The following GRIK2 variants were observed in gnomAD, a reference collection of about 807,000 sequenced individuals.
GRIK2 encodes the protein glutamate receptor ionotropic, kainate 2.
Under a neutral mutation model 100.3 loss-of-function variants are expected in GRIK2, and 32 were observed. The ratio of observed to expected loss-of-function variants is 0.32; its 90% confidence interval spans 0.24 to 0.43. The LOEUF is 0.43. GRIK2 is among the 20% of genes least tolerant of loss of function. The pLI is 1.00. For missense variants in GRIK2, 843 were observed against 1,114.9 expected, an observed-to-expected ratio of 0.76 and a Z score of 3.47; for synonymous variants, 417 against 389.4, an observed-to-expected ratio of 1.07 and a Z score of -0.83.
Position 101,799,750 on chromosome 6 carries a change from C to A in GRIK2, c.1054C>A (p.Pro352Thr). 6.2e-7 allele frequency: 1 copy of A among 1,613,530 alleles called. No homozygotes were observed. Among genetic ancestry groups the A allele is most frequent in the Non-Finnish European group, 8.5e-7 (1 of 1,179,554 alleles). The change falls in exon 8 of 17, where the codon CCC becomes ACC. Residue 352 changes from proline to threonine, a missense_variant. By Grantham distance (38) the Pro-to-Thr change is conservative. Around this residue, in one of 3 missense-constraint regions of GRIK2, gnomAD observed 519 missense variants for 643.8 expected, o/e 0.81. Transcript: ENST00000369134. ...TTCCTTGCAGTGTAATCGACATAAA[C>A]CCTGGCGCTTCGGGACCCGCTTTAT... is the stretch of plus-strand genomic sequence containing the variant. ...VSSLQCNRHK[P>T]WRFGTRFMSL... is the part of the protein sequence containing the mutation.
chr6:101,468,844 C>T (rs1010070518), intron 2 of GRIK2, among the ~76,000 whole-genome samples: 2 of 152,116 alleles, frequency 1.3e-5, no homozygotes, highest in East Asian at 1.9e-4. Context: ...GATAATAACA[C>T]CATGTCTTCC....
chr6:102,059,614 A>G (rs1015429799), intron 16 of GRIK2, among the ~76,000 whole-genome samples: 4 of 151,062 alleles, frequency 2.6e-5, no homozygotes, highest in Non-Finnish European at 5.9e-5. Context: ...GATAATATTT[A>G]TAATATGTTG....
chr6:101,975,184 G>T (rs1308686501), intron 14 of GRIK2, among the ~76,000 whole-genome samples: 1 of 151,838 alleles, frequency 6.6e-6, no homozygotes, highest in East Asian at 2.0e-4. Context: ...TGTTAACTTT[G>T]AAATACCTAT....
chr6:101,779,717 C>A (rs772305842), intron 7 of GRIK2, among the ~76,000 whole-genome samples: 1 of 152,120 alleles, frequency 6.6e-6, no homozygotes, highest in Non-Finnish European at 1.5e-5. Context: ...CTTTCTGCTG[C>A]ACTATACCCT....
At chr6:101,743,148 C>T (rs761235994) in intron 7 of GRIK2, among the ~76,000 whole-genome samples, 8 of 152,170 alleles carry the variant, frequency 5.3e-5, no homozygotes, top group Non-Finnish European at 1.0e-4. Context: ...TGGACATTTA[C>T]ACCAGCCCAA....
intron 15 of GRIK2, among the ~76,000 whole-genome samples, chr6:102,054,408 A>C (rs1037319160): frequency 2.0e-5 from 3 of 152,152 alleles, no homozygotes; most frequent in African/African-American, 7.2e-5. Context: ...TGTGCAGTAT[A>C]GTGTCTTAGG....
chr6:101,735,154 G>A (rs1242983809), intron 7 of GRIK2, among the ~76,000 whole-genome samples: 3 of 152,200 alleles, frequency 2.0e-5, no homozygotes, highest in Non-Finnish European at 4.4e-5. Context: ...CTGAGGTCCA[G>A]AGGTGTAGTC....
intron 2 of GRIK2, among the ~76,000 whole-genome samples, chr6:101,510,463 C>T (rs1774241031): frequency 1.4e-5 from 2 of 146,924 alleles, no homozygotes; most frequent in African/African-American, 5.0e-5. Flanking sequence ...TGTATTGGCT[C>T]ACAATCATTT....
At chr6:101,444,330 A>G (rs1770247515) in intron 2 of GRIK2, among the ~76,000 whole-genome samples, 1 of 152,068 alleles carries the variant, frequency 6.6e-6, no homozygotes, top group Admixed American at 6.6e-5. Flanking sequence ...TTATTCATAT[A>G]GCTATTACTT....
chr6:101,583,449 T>G (rs1195561722), intron 2 of GRIK2, among the ~76,000 whole-genome samples: 1 of 152,158 alleles, frequency 6.6e-6, no homozygotes, highest in East Asian at 1.9e-4. Context: ...TTGCCATGTG[T>G]AGCTACATTA....
At chr6:102,006,083 C>T (rs1341390172) in intron 14 of GRIK2, among the ~76,000 whole-genome samples, 1 of 151,872 alleles carries the variant, frequency 6.6e-6, no homozygotes, top group Non-Finnish European at 1.5e-5. Context: ...AGCACATTCT[C>T]AGGTATTGAG....
chr6:101,624,746 T>G (rs1213997601), intron 3 of GRIK2, among the ~76,000 whole-genome samples: 1 of 152,090 alleles, frequency 6.6e-6, no homozygotes, highest in East Asian at 1.9e-4. Context: ...TTTACTTTTT[T>G]TTTGACACAC....
chr6:101,847,333 CT>C (rs374921083), intron 10 of GRIK2, among the ~76,000 whole-genome samples: 1 of 151,838 alleles, frequency 6.6e-6, no homozygotes. Context: ...GTATTTTTCA[CT>C]TTTTTTTGGT....
At chr6:101,678,653 T>C (rs1771016039) in intron 5 of GRIK2, among the ~76,000 whole-genome samples, 1 of 152,150 alleles carries the variant, frequency 6.6e-6, no homozygotes, top group Non-Finnish European at 1.5e-5. Context: ...TATTTTGTGA[T>C]TTGTGAAATT....
chr6:101,528,544 G>A (rs573449115), intron 2 of GRIK2, among the ~76,000 whole-genome samples: 2 of 151,986 alleles, frequency 1.3e-5, no homozygotes, highest in African/African-American at 2.4e-5. Flanking sequence ...TGATGTTCCT[G>A]AGCCAAACCT....
intron 2 of GRIK2, among the ~76,000 whole-genome samples, chr6:101,556,274 T>C (rs1280842162): frequency 6.7e-6 from 1 of 149,496 alleles, no homozygotes; most frequent in East Asian, 1.9e-4. Context: ...TATTTTTAAG[T>C]TGATTTGTCA....
intron 10 of GRIK2, among the ~76,000 whole-genome samples, chr6:101,853,696 C>T: frequency 6.6e-6 from 1 of 152,118 alleles, no homozygotes; most frequent in South Asian, 2.1e-4. Context: ...AAAATTTTCT[C>T]CAGTGGGTGA....
chr6:101,854,312 T>C (rs996431364), intron 10 of GRIK2, among the ~76,000 whole-genome samples: 1 of 152,134 alleles, frequency 6.6e-6, no homozygotes, highest in African/African-American at 2.4e-5. Context: ...TAGGCTGGAG[T>C]GCAATGGCAC....
chr6:101,917,792 T>C (rs1342072842), intron 12 of GRIK2, among the ~76,000 whole-genome samples: 2 of 151,556 alleles, frequency 1.3e-5, no homozygotes, highest in Admixed American at 6.6e-5. Context: ...TAAATTACTT[T>C]GGAAATTAAA....
Sources: allele counts gnomAD v4.1 joint callset (sites outside exome capture counted in the v4.1 genomes callset), GRCh38; gene constraint gnomAD v4.1.1; regional missense constraint gnomAD v4.1.1; transcripts MANE v1.5; gene names NCBI Gene and HGNC (gene_info 2026-07-23, HGNC 2026-07-21).